The following ADAP2 variants were observed in gnomAD, a reference collection of about 807,000 sequenced individuals.
The protein encoded by ADAP2 is arf-GAP with dual PH domain-containing protein 2.
ADAP2 carries 42 observed loss-of-function variants against 54.9 expected under a neutral mutation model. The ratio of observed to expected loss-of-function variants is 0.77; its 90% CI spans 0.60 to 0.99. ADAP2 has a LOEUF of 0.99. Ranked by LOEUF, ADAP2 falls within the 50% of genes least tolerant of loss-of-function variation. The pLI, the probability that ADAP2 is intolerant of heterozygous loss-of-function variation, is 0.00. For missense variants in ADAP2, 429 were observed against 480.4 expected (o/e 0.89, Z 1.00); for synonymous variants, 177 against 180.1 (o/e 0.98, Z 0.14).
chr17:30,935,859 T>C (rs1395524529), intron 5 of ADAP2, among the ~76,000 whole-genome samples: 2 of 152,172 alleles, frequency 1.3e-5, no homozygotes, highest in Non-Finnish European at 2.9e-5. Context: ...TGAAGTCACA[T>C]GGTGGAGGGC....
chr17:30,926,267 G>A (rs1818050083), intron 2 of ADAP2, among the ~76,000 whole-genome samples: 1 of 152,174 alleles, frequency 6.6e-6, no homozygotes, highest in South Asian at 2.1e-4. Context: ...CTGCTGCCAG[G>A]GCCACTTTTG....
chr17:30,938,828 G>A (rs1912064341), intron 5 of ADAP2, among the ~76,000 whole-genome samples: 2 of 152,056 alleles, frequency 1.3e-5, no homozygotes, highest in South Asian at 4.1e-4. Flanking sequence ...TAAGATGCAA[G>A]GAATAAATTC....
intron 5 of ADAP2, among the ~76,000 whole-genome samples, chr17:30,936,990 G>A (rs981143254): frequency 6.6e-6 from 1 of 152,110 alleles, no homozygotes; most frequent in Middle Eastern, 3.2e-3. Flanking sequence ...GTGCAGTGGC[G>A]TGATCTCGGC....
At chr17:30,930,506 A>T (rs1158124310) in intron 3 of ADAP2, among the ~76,000 whole-genome samples, 1 of 151,882 alleles carries the variant, frequency 6.6e-6, no homozygotes, top group African/African-American at 2.4e-5. Flanking sequence ...GGTCTCTCAT[A>T]CTCTCTCTGG....
chr17:30,952,316 G>A (rs1450693952), intron 7 of ADAP2, among the ~76,000 whole-genome samples: 2 of 152,120 alleles, frequency 1.3e-5, no homozygotes, highest in African/African-American at 2.4e-5. Context: ...TTAGAACCAG[G>A]TCTCCCGACT....
chr17:30,955,639 A>C (rs1165757102), intron 9 of ADAP2, among the ~76,000 whole-genome samples: 1 of 151,492 alleles, frequency 6.6e-6, no homozygotes, highest in East Asian at 1.9e-4. Context: ...ACCGGGAGGC[A>C]GAGGGTGCAG....
intron 7 of ADAP2, 30 bp downstream of exon 7, chr17:30,949,400 A>G: frequency 6.3e-7 from 1 of 1,590,468 alleles, no homozygotes; most frequent in Non-Finnish European, 8.6e-7. Flanking sequence ...CAATTTCTGA[A>G]TCTCCTCTTG....
chr17:30,933,499 C>A (rs540527803), intron 4 of ADAP2, among the ~76,000 whole-genome samples: 2 of 150,838 alleles, frequency 1.3e-5, no homozygotes, highest in South Asian at 4.2e-4. Flanking sequence ...ATAAATTATT[C>A]TTCAAACCAG....
chr17:30,938,696 T>C (rs1306819646), intron 5 of ADAP2, among the ~76,000 whole-genome samples: 3 of 152,204 alleles, frequency 2.0e-5, no homozygotes, highest in Non-Finnish European at 4.4e-5. Flanking sequence ...ATTTCCTATA[T>C]GTAGAATTAT....
Position 30,959,231 on chromosome 17 carries a change from G to T in ADAP2, c.*1362G>T, listed in dbSNP as rs1346055036. On this transcript the variant is annotated 3_prime_UTR_variant, in exon 11 of 11. Transcript: ENST00000330889. ...CTAGAGGAGAAGAACGAGAAGTATA[G>T]ATAGGCAGTAACAAAGCTACTTGAA... is the stretch of plus-strand genomic sequence containing the variant. 1 of 152,322 alleles carries T rather than the reference G, an allele frequency of 6.6e-6. No individual in the cohort carries two copies. Among genetic ancestry groups the T allele is most frequent in the Non-Finnish European group, 1.5e-5 (1 of 68,026 alleles). 9.4% of individuals were successfully genotyped at this position (152,322 alleles called of 1,614,324 possible). A position where few individuals can be genotyped will look rare whatever the true frequency, so the allele number is the denominator to read the frequency against.
chr17:30,943,598 C>T (rs1450955507), intron 5 of ADAP2, among the ~76,000 whole-genome samples: 1 of 151,998 alleles, frequency 6.6e-6, no homozygotes, highest in East Asian at 1.9e-4. Flanking sequence ...CTTGTAATCC[C>T]AGAACTTTGG....
At chr17:30,933,249 G>A (rs192234558) in intron 4 of ADAP2, among the ~76,000 whole-genome samples, 10 of 149,434 alleles carry the variant, frequency 6.7e-5, no homozygotes, top group Non-Finnish European at 1.0e-4. Context: ...GTGCAATGGC[G>A]TGAACTCGGC....
intron 1 of ADAP2, 132 bp downstream of exon 1, chr17:30,922,240 C>A: frequency 3.7e-6 from 2 of 541,258 alleles, no homozygotes; most frequent in Non-Finnish European, 5.5e-6. Flanking sequence ...GGGCCCCGAC[C>A]CCTCCCACCC....
At position 30,944,830 on chromosome 17, in the gene ADAP2, A is replaced by G; in HGVS notation, c.511-77A>G. The stretch of plus-strand genomic sequence containing the variant: ...TATTTACAGATTGATGCTTGTTTGC[A>G]TGAAGGCCTTGGTGAAGGTTGACCA... On this transcript the variant is annotated intron_variant, in intron 5 of 10. Coordinates refer to ENST00000330889, the MANE Select transcript of ADAP2 (RefSeq NM_018404.3). 2.8e-6 allele frequency: 4 copies of G among 1,413,412 alleles called. No individual in the cohort carries two copies. In the South Asian group the frequency reaches 5.1e-5, roughly 18 times the overall value. 87.6% of individuals were successfully genotyped at this position (1,413,412 alleles called of 1,614,324 possible).
intron 7 of ADAP2, among the ~76,000 whole-genome samples, chr17:30,951,549 T>A (rs972473603): frequency 1.3e-5 from 2 of 152,112 alleles, no homozygotes; most frequent in Admixed American, 1.3e-4. Flanking sequence ...TTGCCCAGGC[T>A]GGTCTCGAAC....
chr17:30,943,885 A>G (rs964595838), intron 5 of ADAP2, among the ~76,000 whole-genome samples: 9 of 149,022 alleles, frequency 6.0e-5, no homozygotes, highest in African/African-American at 2.0e-4. Context: ...ATAAATAAAT[A>G]AATAAATAAA....
At chr17:30,950,731 G>A (rs1165543599) in intron 7 of ADAP2, among the ~76,000 whole-genome samples, 2 of 152,180 alleles carry the variant, frequency 1.3e-5, no homozygotes. Flanking sequence ...CAGCTCTCTG[G>A]GAGCAATTCC....
intron 5 of ADAP2, among the ~76,000 whole-genome samples, chr17:30,939,572 C>A (rs891296729): frequency 6.6e-6 from 1 of 151,848 alleles, no homozygotes; most frequent in Non-Finnish European, 1.5e-5. Context: ...GAGATTGAGA[C>A]CATCTTGGCT....
intron 5 of ADAP2, among the ~76,000 whole-genome samples, chr17:30,938,696 T>G (rs1306819646): frequency 6.6e-6 from 1 of 152,204 alleles, no homozygotes; most frequent in Non-Finnish European, 1.5e-5. Flanking sequence ...ATTTCCTATA[T>G]GTAGAATTAT....
Sources: allele counts gnomAD v4.1 joint callset (sites outside exome capture counted in the v4.1 genomes callset), GRCh38; gene constraint gnomAD v4.1.1; transcripts MANE v1.5; gene names NCBI Gene and HGNC (gene_info 2026-07-23, HGNC 2026-07-21).